Variants in ITPRIPL2 observed in about 807,000 individuals in gnomAD.
ITPRIPL2 encodes ITPRIP like 2, also known as inositol 1,4,5-trisphosphate receptor-interacting protein-like 2.
A neutral mutation model predicts 31.7 loss-of-function variants in ITPRIPL2; 29 were observed. The observed-to-expected ratio is 0.91, with a 90% confidence interval of 0.68 to 1.25. The LOEUF is 1.25. Among genes scored for constraint, ITPRIPL2 ranks in the 50% most tolerant of loss-of-function variants. The pLI, the probability that ITPRIPL2 is intolerant of heterozygous loss-of-function variation, is 0.00. For missense variants in ITPRIPL2, 696 were observed against 739.1 expected (o/e 0.94, Z 0.68); for synonymous variants, 344 against 343.4 (o/e 1.00, Z -0.02).
rs568125422 is a variant in ITPRIPL2 at position 19,117,054 on chromosome 16, T to G, written c.*985T>G. On this transcript the variant is annotated 3_prime_UTR_variant, in exon 1 of 1. Coordinates refer to ENST00000381440, the MANE Select transcript of ITPRIPL2 (RefSeq NM_001034841.4). ...AGAAAGATGTGTTTTAGGCTTTGCC[T>G]GTAAAGGTGTTTCTCCAAGGCTGGC... The G allele has an allele frequency of 6.0e-6, 1 of 167,276 alleles. No individual in the cohort carries two copies. Among genetic ancestry groups the G allele is most frequent in the East Asian group, 1.9e-4 (1 of 5,196 alleles). 10.4% of individuals were successfully genotyped at this position (167,276 alleles called of 1,614,324 possible). A position where few individuals can be genotyped will look rare whatever the true frequency, so the allele number is the denominator to read the frequency against.
Position 19,115,620 on chromosome 16 carries a change from G to T in ITPRIPL2, c.1159G>T (p.Ala387Ser), listed in dbSNP as rs1293125208. 3.1e-6 allele frequency: 5 copies of T among 1,608,644 alleles called. No individual in the cohort carries two copies. Among genetic ancestry groups the T allele is most frequent in the Non-Finnish European group, 4.2e-6 (5 of 1,178,978 alleles). The change falls in exon 1 of 1, where the codon GCC (alanine) becomes TCC (serine). Residue 387 changes from alanine to serine, a missense_variant. Ala to Ser is a moderately conservative substitution (Grantham distance 99). Transcript: ENST00000381440. ...QLLKALRDLGARGLDSAAATQ... is the reference protein window; with the variant it reads ...QLLKALRDLGSRGLDSAAATQ... Reference sequence around the variant, plus strand: ...GCTTAAGGCTCTGCGCGATCTGGGGGCCCGTGGGCTGGACTCAGCGGCCGC... The same window carrying T: ...GCTTAAGGCTCTGCGCGATCTGGGGTCCCGTGGGCTGGACTCAGCGGCCGC...
Position 19,114,168 on chromosome 16 carries a change from C to T in ITPRIPL2, c.-294C>T, listed in dbSNP as rs1462070580. ...CGGGCCAGAAGCTGGCCGACGGCGG[C>T]GCGCGGGGGCGCCGGGCGGGGAGGG... On this transcript the variant is annotated 5_prime_UTR_variant, in exon 1 of 1. Coordinates refer to ENST00000381440, the MANE Select transcript of ITPRIPL2 (RefSeq NM_001034841.4). The T allele has an allele frequency of 1.7e-5, 6 of 346,988 alleles. No homozygotes were observed. The allele number at this position is 346,988 out of a possible 1,614,324, so 21.5% of individuals were successfully genotyped here.
Position 19,114,773 on chromosome 16 carries a change from C to G in ITPRIPL2, c.312C>G (p.Tyr104Ter), listed in dbSNP as rs764312051. ...GCCTCAGCATCCTGCTGGAGAGTTACTACGAGCATGAGGTGCGCCTGTCTC... is the reference window on the plus strand; with the variant it reads ...GCCTCAGCATCCTGCTGGAGAGTTAGTACGAGCATGAGGTGCGCCTGTCTC... Reference protein sequence around the residue: ...EPGLSILLESYYEHEVRLSPH... With the variant: ...EPGLSILLES Residue 104 changes from tyrosine (Y) to a stop codon, truncating the protein, a stop_gained, in exon 1 of 1, where the codon TAC becomes TAG. Transcript: ENST00000381440. LOFTEE classifies it high-confidence loss of function. 1.2e-6 allele frequency: 2 copies of G among 1,612,400 alleles called. No homozygotes were observed. The highest frequency in any genetic ancestry group is 1.3e-5 in the African/African-American group (1 of 75,052).
At position 19,117,906 on chromosome 16, in the gene ITPRIPL2, C is replaced by T. The variant is rs557770866; in HGVS notation, c.*1837C>T. 11 of 167,076 alleles carry T rather than the reference C, an allele frequency of 6.6e-5. No individual in the cohort carries two copies. Among genetic ancestry groups the T allele is most frequent in the African/African-American group, 1.9e-4 (8 of 41,514 alleles). The allele number at this position is 167,076 out of a possible 1,614,324, so 10.3% of individuals were successfully genotyped here. A position where few individuals can be genotyped will look rare whatever the true frequency, so the allele number is the denominator to read the frequency against. ...TGAGGTTGTCTTGGGGACAGTTCCC[C>T]GCAAAGGTCATTCCTAGCTTTTGAG... is the stretch of plus-strand genomic sequence containing the variant. On this transcript the variant is annotated 3_prime_UTR_variant, in exon 1 of 1. Transcript: ENST00000381440.
In ITPRIPL2 at chr16:19,116,207, G is replaced by A; in HGVS notation, c.*138G>A. 2.6e-6 allele frequency: 2 copies of A among 770,358 alleles called. No homozygotes were observed. Among genetic ancestry groups the A allele is most frequent in the Non-Finnish European group, 4.2e-6 (2 of 474,788 alleles). 47.7% of individuals were successfully genotyped at this position (770,358 alleles called of 1,614,324 possible). A position where few individuals can be genotyped will look rare whatever the true frequency, so the allele number is the denominator to read the frequency against. ...TTTGGTGGCTGCCACAAGCTTTAGT[G>A]GCTTAAATATCACCTTCTCGCTTCA... On this transcript the variant is annotated 3_prime_UTR_variant, in exon 1 of 1. Coordinates refer to ENST00000381440, the MANE Select transcript of ITPRIPL2 (RefSeq NM_001034841.4).
Position 19,118,931 on chromosome 16 carries a change from A to G in ITPRIPL2, c.*2862A>G, listed in dbSNP as rs1412369062. ...TATGTCCTTCATCTGAAATGTACAC[A>G]TTTTTGGTGTATGCTTGGTACTGGA... is the stretch of plus-strand genomic sequence containing the variant. On this transcript the variant is annotated 3_prime_UTR_variant, in exon 1 of 1. Transcript: ENST00000381440. 2.4e-6 allele frequency: 1 copy of G among 413,360 alleles called. No individual in the cohort carries two copies. Among genetic ancestry groups the G allele is most frequent in the Non-Finnish European group, 4.4e-6 (1 of 226,136 alleles). The allele number at this position is 413,360 out of a possible 1,614,324, so 25.6% of individuals were successfully genotyped here.
Position 19,118,687 on chromosome 16 carries a change from A to G in ITPRIPL2, c.*2618A>G, listed in dbSNP as rs986008321. On this transcript the variant is annotated 3_prime_UTR_variant, in exon 1 of 1. Coordinates refer to ENST00000381440, the MANE Select transcript of ITPRIPL2 (RefSeq NM_001034841.4). ...AAATAAATTGTGCATTGTATTTGTG[A>G]ATTTTTAAAATATTACTGTTTTATT... 1.1e-5 allele frequency: 3 copies of G among 274,862 alleles called. No individual in the cohort carries two copies. Among genetic ancestry groups the G allele is most frequent in the Non-Finnish European group, 1.4e-5 (2 of 139,684 alleles). The allele number at this position is 274,862 out of a possible 1,614,324, so 17.0% of individuals were successfully genotyped here. A position where few individuals can be genotyped will look rare whatever the true frequency, so the allele number is the denominator to read the frequency against.
Position 19,114,045 on chromosome 16 carries a change from G to C in ITPRIPL2, c.-417G>C. 1 of 397,684 alleles carries C rather than the reference G, an allele frequency of 2.5e-6. No homozygotes were observed. The highest frequency in any genetic ancestry group is 4.4e-6 in the Non-Finnish European group (1 of 225,428). 24.6% of individuals were successfully genotyped at this position (397,684 alleles called of 1,614,324 possible). On this transcript the variant is annotated 5_prime_UTR_variant, in exon 1 of 1. Transcript: ENST00000381440. ...GCTGGCGCGGCCTCGCCTCCCCCTC[G>C]GAAGAGGAAACTCCCGGGGTCCGAG... is the stretch of plus-strand genomic sequence containing the variant.
Position 19,114,915 on chromosome 16 carries a change from T to C in ITPRIPL2, c.454T>C (p.Phe152Leu). 1 of 1,610,464 alleles carries C rather than the reference T, an allele frequency of 6.2e-7. No individual in the cohort carries two copies. Among genetic ancestry groups the C allele is most frequent in the Non-Finnish European group, 8.5e-7 (1 of 1,179,650 alleles). The stretch of plus-strand genomic sequence containing the variant: ...TCCTGGGGGAGCGCTGGCCTTGGCC[T>C]TCCGCGGAGACTTCATCCAGGTGGG... ...LIPGGALALA[F>L]RGDFIQVGSA... The change falls in exon 1 of 1, where the codon TTC becomes CTC. Residue 152 changes from phenylalanine to leucine, a missense_variant. By Grantham distance (22) the Phe-to-Leu change is conservative. Transcript: ENST00000381440.
chr16:19,115,466 G>A lies in ITPRIPL2; in HGVS notation c.1005G>A (p.Leu335=), dbSNP rs375173606. 33 of 1,608,386 alleles carry A rather than the reference G, an allele frequency of 2.1e-5. No individual in the cohort carries two copies. In the Middle Eastern group the frequency reaches 4.9e-4, roughly 24 times the overall value. The part of the protein sequence containing the change: ...PPPPLPSAPL[L]ELPEGLRAEA... ...CACCCTTGCCCAGCGCGCCCCTGTTGGAGCTCCCTGAGGGCCTGCGTGCGG... is the reference window on the plus strand; with the variant it reads ...CACCCTTGCCCAGCGCGCCCCTGTTAGAGCTCCCTGAGGGCCTGCGTGCGG... The change falls in exon 1 of 1, where the codon TTG becomes TTA. Residue 335 remains leucine (L), a synonymous_variant. Transcript: ENST00000381440.
rs1465513819 is a variant in ITPRIPL2 at position 19,119,097 on chromosome 16, G to C, written c.*3028G>C. 2 of 413,356 alleles carry C rather than the reference G, an allele frequency of 4.8e-6. No homozygotes were observed. Among genetic ancestry groups the C allele is most frequent in the East Asian group, 7.1e-5 (2 of 28,098 alleles). 25.6% of individuals were successfully genotyped at this position (413,356 alleles called of 1,614,324 possible). On this transcript the variant is annotated 3_prime_UTR_variant, in exon 1 of 1. Coordinates refer to ENST00000381440, the MANE Select transcript of ITPRIPL2 (RefSeq NM_001034841.4). ...TCATTTTGTGGCGAGACACCCTTTG[G>C]TAACTCCCACTGACCAGTCTTGGGA... is the stretch of plus-strand genomic sequence containing the variant.
chr16:19,116,166 A>G lies in ITPRIPL2; in HGVS notation c.*97A>G. On this transcript the variant is annotated 3_prime_UTR_variant, in exon 1 of 1. Transcript: ENST00000381440. The stretch of plus-strand genomic sequence containing the variant: ...TGAAGCCAGTTAAATGCAAGATTGC[A>G]GAAGGCATTGGAAAATTTGGTGGCT... 7.7e-7 allele frequency: 1 copy of G among 1,296,974 alleles called. No homozygotes were observed. The highest frequency in any genetic ancestry group is 1.1e-6 in the Non-Finnish European group (1 of 939,166). 80.3% of individuals were successfully genotyped at this position (1,296,974 alleles called of 1,614,324 possible).
Position 19,114,160 on chromosome 16 carries a change from G to A in ITPRIPL2, c.-302G>A, listed in dbSNP as rs1186112177. ...AGCCAGGCCGGGCCAGAAGCTGGCC[G>A]ACGGCGGCGCGCGGGGGCGCCGGGC... On this transcript the variant is annotated 5_prime_UTR_variant, in exon 1 of 1. Transcript: ENST00000381440. 5.5e-5 allele frequency: 20 copies of A among 362,854 alleles called. No individual in the cohort carries two copies. Among genetic ancestry groups the A allele is most frequent in the Non-Finnish European group, 8.9e-5 (18 of 203,332 alleles). 22.5% of individuals were successfully genotyped at this position (362,854 alleles called of 1,614,324 possible).
At position 19,115,236 on chromosome 16, in the gene ITPRIPL2, C is replaced by T. The variant is rs1414655716; in HGVS notation, c.775C>T (p.Leu259=). ...GGTGCTGCGCTGGTTCCAGTCGCAT[C>T]TGCAGCGCTCCTTGGCCACTGTGCG... ...TLVLRWFQSH[L]QRSLATVRYS... is the part of the protein sequence containing the mutation. Residue 259 remains leucine, a synonymous_variant, in exon 1 of 1, where the codon CTG becomes TTG. Coordinates refer to ENST00000381440, the MANE Select transcript of ITPRIPL2 (RefSeq NM_001034841.4). The T allele has an allele frequency of 6.2e-7, 1 of 1,610,924 alleles. No homozygotes were observed. The highest frequency in any genetic ancestry group is 1.1e-5 in the South Asian group (1 of 91,090).
chr16:19,115,995 G>T lies in ITPRIPL2; in HGVS notation c.1534G>T (p.Gly512Cys). Residue 512 changes from glycine to cysteine, a missense_variant, in exon 1 of 1, where the codon GGT becomes TGT. By Grantham distance (159) the Gly-to-Cys change is radical (BLOSUM62 -3). Coordinates refer to ENST00000381440, the MANE Select transcript of ITPRIPL2 (RefSeq NM_001034841.4). The stretch of plus-strand genomic sequence containing the variant: ...GCCCCAGCTTCTCCGGGCCTACGGG[G>T]GTCCCCGCTACCTTGCCAGGTGCCC... Reference protein sequence around the residue: ...RLPQLLRAYGGPRYLARCPPP... With the variant: ...RLPQLLRAYGCPRYLARCPPP... 8 of 1,612,482 alleles carry T rather than the reference G, an allele frequency of 5.0e-6. No homozygotes were observed. The highest frequency in any genetic ancestry group is 6.8e-6 in the Non-Finnish European group (8 of 1,179,230).
At position 19,114,841 on chromosome 16, in the gene ITPRIPL2, T is replaced by C. The variant is rs777423824; in HGVS notation, c.380T>C (p.Val127Ala). 1 of 1,604,258 alleles carries C rather than the reference T, an allele frequency of 6.2e-7. No homozygotes were observed. Among genetic ancestry groups the C allele is most frequent in the South Asian group, 1.1e-5 (1 of 90,286 alleles). ...GHSKAHVSRI[V>A]GELVRAGRAR... is the part of the protein sequence containing the mutation. Reference sequence around the variant, plus strand: ...AGCAAGGCGCACGTGAGCCGGATCGTGGGCGAGCTGGTGCGGGCTGGCCGC... The same window carrying C: ...AGCAAGGCGCACGTGAGCCGGATCGCGGGCGAGCTGGTGCGGGCTGGCCGC... Residue 127 changes from valine (V) to alanine (A), a missense_variant, in exon 1 of 1, where the codon GTG (valine) becomes GCG (alanine). Coordinates refer to ENST00000381440, the MANE Select transcript of ITPRIPL2 (RefSeq NM_001034841.4).
chr16:19,114,241 G>A lies in ITPRIPL2; in HGVS notation c.-221G>A. The A allele has an allele frequency of 2.9e-6, 1 of 342,554 alleles. No homozygotes were observed. Among genetic ancestry groups the A allele is most frequent in the Non-Finnish European group, 5.2e-6 (1 of 191,728 alleles). The allele number at this position is 342,554 out of a possible 1,614,324, so 21.2% of individuals were successfully genotyped here. On this transcript the variant is annotated 5_prime_UTR_variant, in exon 1 of 1. Transcript: ENST00000381440. ...CAGCCGGGGCAGGGCGCGGCCCGGG[G>A]CCCGAGAGCGCAGGGCGGGCCGCAG...
Position 19,121,475 on chromosome 16 carries a change from A to G in ITPRIPL2, c.*5406A>G, listed in dbSNP as rs186013151. The G allele has an allele frequency of 6.0e-6, 1 of 167,186 alleles. No homozygotes were observed. Among genetic ancestry groups the G allele is most frequent in the Non-Finnish European group, 1.5e-5 (1 of 68,106 alleles). The allele number at this position is 167,186 out of a possible 1,614,324, so 10.4% of individuals were successfully genotyped here. The stretch of plus-strand genomic sequence containing the variant: ...GCTACAATTGTATGATTCAAAGGCA[A>G]TTTAATCACCCCAAATTTCCATGGC... On this transcript the variant is annotated 3_prime_UTR_variant, in exon 1 of 1. Transcript: ENST00000381440.
rs201232087 is a variant in ITPRIPL2 at position 19,118,055 on chromosome 16, T to TTATATATATATA, written c.*1990_*2001dup. 1.2e-5 allele frequency: 2 copies of TTATATATATATA among 163,352 alleles called. No homozygotes were observed. Among genetic ancestry groups the TTATATATATATA allele is most frequent in the African/African-American group, 4.9e-5 (2 of 40,682 alleles). 10.1% of individuals were successfully genotyped at this position (163,352 alleles called of 1,614,324 possible). A position where few individuals can be genotyped will look rare whatever the true frequency, so the allele number is the denominator to read the frequency against. On this transcript the variant is annotated 3_prime_UTR_variant, in exon 1 of 1. Coordinates refer to ENST00000381440, the MANE Select transcript of ITPRIPL2 (RefSeq NM_001034841.4). The stretch of plus-strand genomic sequence containing the variant: ...TTAAAATAAATGCCAAGAGTAGATC[T>TTATATATATATA]TATATATATATATATGTATACATAT...
Sources: allele counts gnomAD v4.1 joint callset, GRCh38; gene constraint gnomAD v4.1.1; transcripts MANE v1.5; gene names NCBI Gene and HGNC (gene_info 2026-07-23, HGNC 2026-07-21).